Variants in EFCAB13 observed in about 807,000 individuals in gnomAD.
The protein encoded by EFCAB13 is EF-hand calcium binding domain 13.
A neutral mutation model predicts 110.2 loss-of-function variants in EFCAB13; 91 were observed. That is an observed-to-expected ratio of 0.83 (90% CI 0.70 to 0.98). The LOEUF (loss-of-function observed/expected upper bound fraction) is 0.98. EFCAB13 is among the 50% of genes least tolerant of loss of function. The probability of loss-of-function intolerance (pLI) is 0.00; values close to 1 mark genes in which losing one functional copy is unlikely to be tolerated. For synonymous variants in EFCAB13, 323 were observed against 369.9 expected (o/e 0.87, Z 1.45); for missense variants, 968 against 1,119.4 (o/e 0.86, Z 1.93).
At chr17:47,350,113 A>C (rs1385346087) in intron 9 of EFCAB13, among the ~76,000 whole-genome samples, 1 of 152,142 alleles carries the variant, frequency 6.6e-6, no homozygotes, top group Non-Finnish European at 1.5e-5. Context: ...CAGGTAAAAA[A>C]GACTTCTTCA....
chr17:47,395,996 A>T lies in EFCAB13; in HGVS notation c.1945+19A>T. The T allele has an allele frequency of 6.4e-7, 1 of 1,572,694 alleles. No individual in the cohort carries two copies. Among genetic ancestry groups the T allele is most frequent in the Non-Finnish European group, 8.6e-7 (1 of 1,156,800 alleles). ...GTTGATGGTGAGTGTTACAAATACT[A>T]AAATTAAAAAGTATACCAAGATATT... On this transcript the variant is annotated intron_variant, in intron 17 of 24. Coordinates refer to ENST00000331493, the MANE Select transcript of EFCAB13 (RefSeq NM_152347.5).
At chr17:47,360,315 A>G (rs1463441298) in intron 9 of EFCAB13, among the ~76,000 whole-genome samples, 3 of 152,038 alleles carry the variant, frequency 2.0e-5, no homozygotes, top group East Asian at 3.9e-4. Context: ...AATGATCGCC[A>G]TTCTAACTGG....
At chr17:47,417,043 A>G (rs984738821) in intron 23 of EFCAB13, among the ~76,000 whole-genome samples, 2 of 152,264 alleles carry the variant, frequency 1.3e-5, no homozygotes, top group African/African-American at 4.8e-5. Context: ...CTTATCAATA[A>G]CATAAATGAT....
intron 23 of EFCAB13, among the ~76,000 whole-genome samples, chr17:47,421,756 T>G (rs536415134): frequency 9.1e-4 from 139 of 152,314 alleles, no homozygotes; most frequent in African/African-American, 3.3e-3. Context: ...CCAATGCATT[T>G]GAAAATTTTA....
intron 10 of EFCAB13, among the ~76,000 whole-genome samples, chr17:47,362,404 CT>C (rs911528773): frequency 3.3e-5 from 5 of 152,242 alleles, no homozygotes; most frequent in African/African-American, 1.2e-4. Context: ...ATGCCAGCGT[CT>C]GGGAAGATGT....
chr17:47,391,695 CTA>C, intron 15 of EFCAB13, 115 bp downstream of exon 15: 2 of 923,978 alleles, frequency 2.2e-6, no homozygotes, highest in Non-Finnish European at 3.1e-6. Context: ...TAAAATTAAA[CTA>C]ATACAAAAAG....
intron 23 of EFCAB13, among the ~76,000 whole-genome samples, chr17:47,415,929 C>T (rs1004860608): frequency 1.3e-5 from 2 of 151,976 alleles, no homozygotes; most frequent in African/African-American, 4.8e-5. Flanking sequence ...ATTTCAACAC[C>T]AACATATTTT....
Position 47,441,258 on chromosome 17 carries a change from G to C in EFCAB13, c.*544G>C, listed in dbSNP as rs1262680799. 6.6e-6 allele frequency: 1 copy of C among 151,848 alleles called. No homozygotes were observed. Among genetic ancestry groups the C allele is most frequent in the Non-Finnish European group, 1.5e-5 (1 of 68,044 alleles). 9.4% of individuals were successfully genotyped at this position (151,848 alleles called of 1,614,324 possible). On this transcript the variant is annotated 3_prime_UTR_variant, in exon 25 of 25. Coordinates refer to ENST00000331493, the MANE Select transcript of EFCAB13 (RefSeq NM_152347.5). ...CCCTAGAAAAAATGGATTCTGATTG[G>C]TTCTGGTTGCAGTATTACAAATTCC...
At chr17:47,390,521 A>T (rs919308325) in intron 14 of EFCAB13, among the ~76,000 whole-genome samples, 1 of 152,204 alleles carries the variant, frequency 6.6e-6, no homozygotes, top group Non-Finnish European at 1.5e-5. Context: ...GTAAAAATTT[A>T]TCAGTTTAAA....
chr17:47,411,913 G>A (rs780473561), intron 21 of EFCAB13, among the ~76,000 whole-genome samples: 10 of 152,266 alleles, frequency 6.6e-5, no homozygotes, highest in East Asian at 5.8e-4. Context: ...CCAACATGGC[G>A]AAACCCCGTC....
intron 9 of EFCAB13, among the ~76,000 whole-genome samples, chr17:47,359,775 CT>C (rs2065501454): frequency 9.7e-6 from 1 of 102,890 alleles, no homozygotes; most frequent in African/African-American, 3.8e-5. Context: ...TCCCTCCCCC[CT>C]CCCCCCACCC....
intron 22 of EFCAB13, among the ~76,000 whole-genome samples, chr17:47,413,397 A>G (rs1904322244): frequency 6.6e-6 from 1 of 152,206 alleles, no homozygotes; most frequent in Admixed American, 6.5e-5. Flanking sequence ...TTCATGTAAT[A>G]TGTACTTGAT....
At chr17:47,350,374 AT>A (rs1379189874) in intron 9 of EFCAB13, among the ~76,000 whole-genome samples, 1 of 152,118 alleles carries the variant, frequency 6.6e-6, no homozygotes, top group Non-Finnish European at 1.5e-5. Flanking sequence ...TATTTTCACC[AT>A]GTCATTTTCC....
At chr17:47,349,772 T>C (rs2065438335) in intron 9 of EFCAB13, among the ~76,000 whole-genome samples, 1 of 137,844 alleles carries the variant, frequency 7.3e-6, no homozygotes, top group African/African-American at 2.7e-5. Flanking sequence ...TTTTTTTTTT[T>C]TTTTTTTTTT....
intron 10 of EFCAB13, among the ~76,000 whole-genome samples, chr17:47,363,406 A>G (rs2065527408): frequency 6.6e-6 from 1 of 151,974 alleles, no homozygotes; most frequent in South Asian, 2.1e-4. Flanking sequence ...CAGTCATTTA[A>G]TATCTACTAT....
Position 47,330,218 on chromosome 17 carries a change from G to A in EFCAB13, c.30+1835G>A, listed in dbSNP as rs545729092. 3.3e-5 allele frequency among the ~76,000 whole-genome samples: 5 copies of A among 151,776 alleles called. No homozygotes were observed. The South Asian group carries it at 1.0e-3, about 32-fold the overall frequency. ...TCTTTTTGGGGGGGTGGGGAGTGGT[G>A]TCTATTTAGAAGCAATATAGCTTCT... On this transcript the variant is annotated intron_variant, in intron 4 of 24. Coordinates refer to ENST00000331493, the MANE Select transcript of EFCAB13 (RefSeq NM_152347.5).
intron 4 of EFCAB13, among the ~76,000 whole-genome samples, chr17:47,332,573 T>A (rs1347129152): frequency 1.4e-5 from 2 of 147,790 alleles, no homozygotes; most frequent in Non-Finnish European, 3.0e-5. Context: ...CCCCCAAACC[T>A]CTCCACCCCC....
At chr17:47,397,882 C>T (rs922503489) in intron 17 of EFCAB13, among the ~76,000 whole-genome samples, 97 of 151,888 alleles carry the variant, frequency 6.4e-4, no homozygotes, top group African/African-American at 1.9e-3. Flanking sequence ...AAGTGAGGAG[C>T]GTCTCCACCC....
chr17:47,425,072 CG>C (rs1159998993), intron 23 of EFCAB13, among the ~76,000 whole-genome samples: 2 of 148,626 alleles, frequency 1.3e-5, no homozygotes, highest in East Asian at 3.9e-4. Context: ...TTAGTAGAGA[CG>C]GGGTTTCACC....
Sources: gnomAD v4.1 joint callset for allele counts (sites outside exome capture counted in the v4.1 genomes callset) on GRCh38, gnomAD v4.1.1 for gene constraint, MANE v1.5 for transcripts, NCBI Gene and HGNC (gene_info 2026-07-23, HGNC 2026-07-21) for gene names.